The following CYFIP1 variants were observed in gnomAD, a reference collection of about 807,000 sequenced individuals.
CYFIP1 encodes cytoplasmic FMR1 interacting protein 1.
CYFIP1 carries 58 observed loss-of-function variants against 163.5 expected under a neutral mutation model. That is an observed-to-expected ratio of 0.35 (90% CI 0.29 to 0.44). The LOEUF (loss-of-function observed/expected upper bound fraction) is 0.44, where lower values mean the gene tolerates loss of function less well. CYFIP1 is among the 20% of genes least tolerant of loss of function. The pLI is 1.00. For synonymous variants in CYFIP1, 663 were observed against 660.7 expected (o/e 1.00, Z -0.05); for missense variants, 1,338 against 1,653.8 (o/e 0.81, Z 3.31).
intron 17 of CYFIP1, among the ~76,000 whole-genome samples, chr15:22,913,279 AGCACTTTG>A (rs755303529): frequency 7.2e-5 from 11 of 151,744 alleles, no homozygotes; most frequent in Non-Finnish European, 1.3e-4. Flanking sequence ...CTGTAATCCC[AGCACTTTG>A]GGAGGCCGAG....
rs185029463 is a variant in CYFIP1 at position 22,921,751 on chromosome 15, C to T, written c.1360-2893G>A. Among the ~76,000 whole-genome samples, 416 of 126,314 alleles carry T rather than the reference C, an allele frequency of 3.3e-3. 6 individuals carry two copies. The Admixed American group carries it at 0.036, about 11-fold the overall frequency. 82.9% of individuals were successfully genotyped at this position (126,314 alleles called of 152,430 possible). ...ACTGCACTCTAGCCTGGGCAACACG[C>T]GAGACTCTGTCTCAAAAAAAAAAAA... On this transcript the variant is annotated intron_variant, in intron 13 of 30. Coordinates refer to ENST00000617928, the MANE Select transcript of CYFIP1 (RefSeq NM_014608.6).
intron 21 of CYFIP1, among the ~76,000 whole-genome samples, chr15:22,907,478 G>T (rs907810161): frequency 9.9e-5 from 15 of 152,272 alleles, no homozygotes; most frequent in Admixed American, 9.2e-4. Context: ...AGCCTAACTT[G>T]AATCATCATA....
At chr15:22,977,550 G>T (rs1359497534) in intron 1 of CYFIP1, among the ~76,000 whole-genome samples, 1 of 152,140 alleles carries the variant, frequency 6.6e-6, no homozygotes, top group Non-Finnish European at 1.5e-5. Flanking sequence ...ATATGTTTTG[G>T]GTGGGCGCGG....
intron 11 of CYFIP1, among the ~76,000 whole-genome samples, chr15:22,930,591 G>A (rs1351311346): frequency 1.3e-5 from 2 of 151,958 alleles, no homozygotes; most frequent in African/African-American, 2.4e-5. Context: ...TCCTGACCCC[G>A]TGTAGGCCTA....
intron 1 of CYFIP1, among the ~76,000 whole-genome samples, chr15:22,957,326 C>T (rs997264576): frequency 6.6e-6 from 1 of 151,828 alleles, no homozygotes; most frequent in Non-Finnish European, 1.5e-5. Flanking sequence ...CACGGTGAAA[C>T]CTCATCTCTA....
chr15:22,945,037 C>T, intron 3 of CYFIP1, 98 bp from the exon 4 acceptor site: 2 of 1,120,248 alleles, frequency 1.8e-6, no homozygotes, highest in Admixed American at 1.7e-5. Flanking sequence ...CACAAACTAT[C>T]CTAAGCACTG....
At chr15:22,901,188 G>A (rs1292797507) in intron 22 of CYFIP1, among the ~76,000 whole-genome samples, 2 of 149,876 alleles carry the variant, frequency 1.3e-5, no homozygotes, top group African/African-American at 4.9e-5. Flanking sequence ...GGGCAACAGA[G>A]TAAGACTCTG....
chr15:22,895,743 GGCTGA>G (rs967921915), intron 22 of CYFIP1, among the ~76,000 whole-genome samples: 1 of 152,182 alleles, frequency 6.6e-6, no homozygotes, highest in African/African-American at 2.4e-5. Context: ...AAGGGCTGGA[GGCTGA>G]GCTCAGCTAC....
intron 22 of CYFIP1, among the ~76,000 whole-genome samples, chr15:22,900,953 A>G (rs1263494566): frequency 6.6e-6 from 1 of 151,788 alleles, no homozygotes; most frequent in Non-Finnish European, 1.5e-5. Context: ...CTGTAATCCC[A>G]GCACTTTGGG....
At position 22,914,837 on chromosome 15, in the gene CYFIP1, T is replaced by C; in HGVS notation, c.1874A>G (p.Glu625Gly). The C allele has an allele frequency of 3.1e-6, 5 of 1,613,314 alleles. No homozygotes were observed. The highest frequency in any genetic ancestry group is 4.2e-6 in the Non-Finnish European group (5 of 1,179,668). The change falls in exon 17 of 31, where the codon GAG becomes GGG. Residue 625 changes from glutamate to glycine, a missense_variant. Coordinates refer to ENST00000617928, the MANE Select transcript of CYFIP1 (RefSeq NM_014608.6). ...GCCCATGGTCAGCTCCAGGAAGAAC[T>C]CTCGGAACCACAGCTGCGAAAGGTC... The part of the protein sequence containing the change: ...CCDLSQLWFR[E>G]FFLELTMGRR...
rs2142015321 is a variant in CYFIP1, at chr15:22,903,876, G to A, written c.2418C>T (p.Arg806=). The A allele has an allele frequency of 6.2e-7, 1 of 1,614,142 alleles. No individual in the cohort carries two copies. Among genetic ancestry groups the A allele is most frequent in the Non-Finnish European group, 8.5e-7 (1 of 1,180,006 alleles). ...ACCGGCTCAGCAGCTTGTGGGTCAT[G>A]CGGTTGATTTCCAACAGGCCATCCA... ...VELDGLLEIN[R]MTHKLLSRYL... is the part of the protein sequence containing the mutation. Residue 806 remains arginine, a synonymous_variant, in exon 22 of 31, where the codon CGC becomes CGT. Coordinates refer to ENST00000617928, the MANE Select transcript of CYFIP1 (RefSeq NM_014608.6).
intron 12 of CYFIP1, among the ~76,000 whole-genome samples, chr15:22,927,155 G>A (rs955450794): frequency 1.1e-4 from 17 of 152,138 alleles, no homozygotes; most frequent in Admixed American, 7.9e-4. Flanking sequence ...TGGCCCACAC[G>A]GCGAGACTGT....
chr15:22,957,576 C>G (rs1471922958), intron 1 of CYFIP1, among the ~76,000 whole-genome samples: 4 of 152,150 alleles, frequency 2.6e-5, no homozygotes, highest in Non-Finnish European at 5.9e-5. Flanking sequence ...GCGGAGCTTG[C>G]AGTGAGCCGA....
intron 1 of CYFIP1, among the ~76,000 whole-genome samples, chr15:22,967,450 C>T (rs561815102): frequency 9.9e-5 from 15 of 152,250 alleles, no homozygotes; most frequent in African/African-American, 2.6e-4. Context: ...GGAGTGCGGC[C>T]GACATATGTG....
intron 1 of CYFIP1, among the ~76,000 whole-genome samples, chr15:22,956,749 C>T (rs547249214): frequency 1.8e-4 from 27 of 152,308 alleles, no homozygotes; most frequent in South Asian, 8.3e-4. Flanking sequence ...AGTGTGCATG[C>T]GGCCACTCTG....
rs1484202240 is a variant in CYFIP1, at chr15:22,917,768, G to A, written c.1674+20C>T. The A allele has an allele frequency of 1.3e-5, 21 of 1,582,540 alleles. No individual in the cohort carries two copies. The highest frequency in any genetic ancestry group is 2.3e-5 in the South Asian group (2 of 85,296). ...GTCCCCCCAGGGAGAGGGTGCAGGCGGGGCTCAAGGGACGAGAACCTGAGT... is the reference window on the plus strand; with the variant it reads ...GTCCCCCCAGGGAGAGGGTGCAGGCAGGGCTCAAGGGACGAGAACCTGAGT... On this transcript the variant is annotated intron_variant, in intron 15 of 30. Coordinates refer to ENST00000617928, the MANE Select transcript of CYFIP1 (RefSeq NM_014608.6). This position sits in a 1 kb window ranked among gnomAD's most constrained non-coding sequence, Gnocchi z 4.2.
chr15:22,967,153 G>A (rs1032166211), intron 1 of CYFIP1, among the ~76,000 whole-genome samples: 1 of 152,180 alleles, frequency 6.6e-6, no homozygotes, highest in Non-Finnish European at 1.5e-5. Context: ...TTGGGACACG[G>A]GACAAGGAGG....
At chr15:22,922,834 A>G (rs1279779763) in intron 13 of CYFIP1, among the ~76,000 whole-genome samples, 3 of 152,122 alleles carry the variant, frequency 2.0e-5, no homozygotes, top group Non-Finnish European at 4.4e-5. Flanking sequence ...TCTACTAAAA[A>G]TGCAAAAATT....
chr15:22,974,302 C>T (rs939385503), intron 1 of CYFIP1, among the ~76,000 whole-genome samples: 3 of 152,130 alleles, frequency 2.0e-5, no homozygotes, highest in Non-Finnish European at 4.4e-5. Flanking sequence ...TGAGCAAGGC[C>T]GGGCCTGGTG....
Sources: allele counts gnomAD v4.1 joint callset (sites outside exome capture counted in the v4.1 genomes callset), GRCh38; gene constraint gnomAD v4.1.1; non-coding constraint Gnocchi (gnomAD v3.1); transcripts MANE v1.5; gene names NCBI Gene and HGNC (gene_info 2026-07-23, HGNC 2026-07-21).